Variants in SLC25A37 observed in about 807,000 individuals in gnomAD.
SLC25A37 encodes mitoferrin-1.
In SLC25A37, 17 loss-of-function variants were observed where a neutral mutation model predicts 31.0. That is an observed-to-expected ratio of 0.55 (90% CI 0.38 to 0.82). The LOEUF (loss-of-function observed/expected upper bound fraction) is 0.82. Ranked by LOEUF, SLC25A37 falls within the 40% of genes least tolerant of loss-of-function variation. The pLI is 0.00. For synonymous variants in SLC25A37, 222 were observed against 193.0 expected (o/e 1.15, Z -1.24); for missense variants, 404 against 465.8 (o/e 0.87, Z 1.22).
intron 3 of SLC25A37, among the ~76,000 whole-genome samples, chr8:23,570,438 C>A (rs1482181217): frequency 6.6e-6 from 1 of 151,874 alleles, no homozygotes; most frequent in Admixed American, 6.6e-5. Context: ...GAGAGGAAAC[C>A]CTTCTAGGAA....
Position 23,543,787 on chromosome 8 carries a change from C to T in SLC25A37, c.210+14575C>T, listed in dbSNP as rs371291850. On this transcript the variant is annotated intron_variant, in intron 1 of 3. Transcript: ENST00000519973. ...TGACCTTGTTTTGATCTGCTTGCCT[C>T]GGCCTCCCAAGATGCTGGGATTACA... Among the ~76,000 whole-genome samples, 192 of 152,158 alleles carry T rather than the reference C, an allele frequency of 1.3e-3. 1 individual carries two copies. The highest frequency in any genetic ancestry group is 4.5e-3 in the African/African-American group (186 of 41,506).
intron 1 of SLC25A37, among the ~76,000 whole-genome samples, chr8:23,538,452 T>G: frequency 6.6e-6 from 1 of 151,786 alleles, no homozygotes; most frequent in South Asian, 2.1e-4. Context: ...TTTTGATTTT[T>G]GTTTTGCATT....
At chr8:23,550,859 G>A (rs1451861174) in intron 1 of SLC25A37, among the ~76,000 whole-genome samples, 2 of 152,338 alleles carry the variant, frequency 1.3e-5, no homozygotes, top group South Asian at 4.1e-4. Flanking sequence ...GCTGGCGGGA[G>A]CCCAGGTCCT....
At chr8:23,568,940 C>A in intron 3 of SLC25A37, 1 of 103,050 alleles carries the variant, frequency 9.7e-6, no homozygotes, top group Non-Finnish European at 2.0e-5. Context: ...CAGACTCCAT[C>A]TCAAAAGGAA....
At chr8:23,545,325 T>C (rs1802006755) in intron 1 of SLC25A37, among the ~76,000 whole-genome samples, 1 of 152,246 alleles carries the variant, frequency 6.6e-6, no homozygotes, top group Non-Finnish European at 1.5e-5. Context: ...TCTTTCCTTG[T>C]AGCCTTCCTC....
intron 1 of SLC25A37, among the ~76,000 whole-genome samples, chr8:23,562,332 A>G (rs892899394): frequency 6.6e-6 from 1 of 152,150 alleles, no homozygotes; most frequent in Non-Finnish European, 1.5e-5. Context: ...TGAACTTTGC[A>G]TTGATGTGAA....
intron 1 of SLC25A37, among the ~76,000 whole-genome samples, chr8:23,561,294 G>A (rs1466252876): frequency 6.6e-6 from 1 of 151,894 alleles, no homozygotes; most frequent in Non-Finnish European, 1.5e-5. Flanking sequence ...TCCTCCAACT[G>A]CTCTACCCCT....
chr8:23,548,272 G>A (rs1044617562), intron 1 of SLC25A37, among the ~76,000 whole-genome samples: 8 of 151,988 alleles, frequency 5.3e-5, no homozygotes, highest in African/African-American at 1.9e-4. Flanking sequence ...TCTGCCTCCC[G>A]GGTTCAAGCG....
At position 23,573,605 on chromosome 8, in the gene SLC25A37, TC is replaced by T. The variant is rs1802916830; in HGVS notation, c.*1751del. The T allele has an allele frequency of 2.9e-6, 1 of 339,276 alleles. No individual in the cohort carries two copies. The highest frequency in any genetic ancestry group is 2.1e-5 in the African/African-American group (1 of 46,702). 21.0% of individuals were successfully genotyped at this position (339,276 alleles called of 1,614,324 possible). A position where few individuals can be genotyped will look rare whatever the true frequency, so the allele number is the denominator to read the frequency against. On this transcript the variant is annotated 3_prime_UTR_variant, in exon 4 of 4. Coordinates refer to ENST00000519973, the MANE Select transcript of SLC25A37 (RefSeq NM_016612.4). Reference sequence around the variant, plus strand: ...GGAAGTAACACGTGGAGAATTTCCATCTTGGGACCATGCACACAGTGCCTTG... The same window carrying T: ...GGAAGTAACACGTGGAGAATTTCCATTTGGGACCATGCACACAGTGCCTTG...
chr8:23,562,748 T>G (rs895142138), intron 1 of SLC25A37, among the ~76,000 whole-genome samples: 3 of 152,158 alleles, frequency 2.0e-5, no homozygotes, highest in African/African-American at 7.2e-5. Flanking sequence ...TTCTCTCAAG[T>G]GGGGAAACTC....
At chr8:23,534,686 GCAAGTT>G (rs1297770588) in intron 1 of SLC25A37, among the ~76,000 whole-genome samples, 1 of 152,142 alleles carries the variant, frequency 6.6e-6, no homozygotes, top group Non-Finnish European at 1.5e-5. Flanking sequence ...GTGACCTTGG[GCAAGTT>G]TCTTAACCTT....
At chr8:23,546,593 ATATAG>A (rs1802068562) in intron 1 of SLC25A37, among the ~76,000 whole-genome samples, 1 of 110,144 alleles carries the variant, frequency 9.1e-6, no homozygotes. Context: ...GTGTATATAT[ATATAG>A]TGTATGTGTG....
At chr8:23,553,716 G>A (rs917475790) in intron 1 of SLC25A37, among the ~76,000 whole-genome samples, 14 of 152,210 alleles carry the variant, frequency 9.2e-5, no homozygotes, top group South Asian at 2.1e-4. Context: ...CGCTTCTTTA[G>A]GAGACAGAAT....
At chr8:23,530,356 CA>C (rs1801639760) in intron 1 of SLC25A37, among the ~76,000 whole-genome samples, 1 of 152,242 alleles carries the variant, frequency 6.6e-6, no homozygotes, top group Admixed American at 6.5e-5. Flanking sequence ...GCACCCCCAG[CA>C]GCTTTATCTT....
chr8:23,558,671 C>CA (rs1406145027), intron 1 of SLC25A37, among the ~76,000 whole-genome samples: 1 of 152,228 alleles, frequency 6.6e-6, no homozygotes, highest in Non-Finnish European at 1.5e-5. Flanking sequence ...CAGATACAGA[C>CA]AGAGTTCATA....
chr8:23,566,455 G>T (rs577458925), intron 2 of SLC25A37, 119 bp downstream of exon 2: 4 of 1,487,004 alleles, frequency 2.7e-6, no homozygotes, highest in South Asian at 2.8e-5. Context: ...CACGAATAAA[G>T]AACTCAGAGT....
intron 1 of SLC25A37, among the ~76,000 whole-genome samples, chr8:23,563,207 G>A (rs1340181689): frequency 6.6e-6 from 1 of 151,862 alleles, no homozygotes; most frequent in African/African-American, 2.4e-5. Context: ...TTTTTTTTAA[G>A]ACAGGGTTTT....
chr8:23,536,032 A>G lies in SLC25A37; in HGVS notation c.210+6820A>G, dbSNP rs541351896. ...GTTGTTGTAAGAATTAAATGAGGCA[A>G]CATATGTAAAGTTCTTGCCACAGTG... On this transcript the variant is annotated intron_variant, in intron 1 of 3. Transcript: ENST00000519973. Among the ~76,000 whole-genome samples, 10 of 152,254 alleles carry G rather than the reference A, an allele frequency of 6.6e-5. No individual in the cohort carries two copies. The East Asian group carries it at 1.9e-3, about 29-fold the overall frequency.
At chr8:23,560,610 C>T (rs937756757) in intron 1 of SLC25A37, among the ~76,000 whole-genome samples, 2 of 152,368 alleles carry the variant, frequency 1.3e-5, no homozygotes, top group Admixed American at 6.5e-5. Context: ...GCTGCTGTGA[C>T]TGCAGTGGTC....
Sources: gnomAD v4.1 joint callset for allele counts (sites outside exome capture counted in the v4.1 genomes callset) on GRCh38, gnomAD v4.1.1 for gene constraint, MANE v1.5 for transcripts, NCBI Gene and HGNC (gene_info 2026-07-23, HGNC 2026-07-21) for gene names.